Variants in METTL24 observed in about 807,000 individuals in gnomAD.
The protein encoded by METTL24 is probable methyltransferase-like protein 24.
A neutral mutation model predicts 32.7 loss-of-function variants in METTL24; 29 were observed. That is an observed-to-expected ratio of 0.89 (90% confidence interval 0.66 to 1.21). The LOEUF is 1.21. Ranked by LOEUF, METTL24 falls within the 50% of genes most tolerant of loss-of-function variation. The pLI is 0.00. For missense variants in METTL24, 439 were observed against 468.1 expected (o/e 0.94, Z 0.57); for synonymous variants, 163 against 179.5 (o/e 0.91, Z 0.73).
chr6:110,299,037 C>T lies in METTL24; in HGVS notation c.671G>A (p.Trp224Ter), dbSNP rs1156229696. 4 of 1,614,010 alleles carry T rather than the reference C, an allele frequency of 2.5e-6. No individual in the cohort carries two copies. Among genetic ancestry groups the T allele is most frequent in the Non-Finnish European group, 3.4e-6 (4 of 1,180,028 alleles). ...SAHILESQHL[W>*]YHRLSIDWRD... ...CCAGTCAATGGACAAGCGGTGATAC[C>T]AAAGGTGCTGACTCTCCAGAATGTG... Residue 224 changes from tryptophan to a stop codon, truncating the protein, a stop_gained, in exon 4 of 5, where the codon TGG (tryptophan) becomes TAG (stop). Coordinates refer to ENST00000338882, the MANE Select transcript of METTL24 (RefSeq NM_001123364.3). LOFTEE classifies it high-confidence loss of function.
At chr6:110,277,177 T>C (rs1446996614) in intron 4 of METTL24, among the ~76,000 whole-genome samples, 1 of 152,124 alleles carries the variant, frequency 6.6e-6, no homozygotes, top group Non-Finnish European at 1.5e-5. Flanking sequence ...GCCTGACAAA[T>C]GGCTGCAAAT....
chr6:110,296,898 A>G (rs924821833), intron 4 of METTL24, among the ~76,000 whole-genome samples: 2 of 152,184 alleles, frequency 1.3e-5, no homozygotes, highest in African/African-American at 2.4e-5. Flanking sequence ...ACACGACACA[A>G]ACAAGGTTTC....
At chr6:110,277,657 T>C (rs1231821639) in intron 4 of METTL24, among the ~76,000 whole-genome samples, 1 of 152,172 alleles carries the variant, frequency 6.6e-6, no homozygotes, top group Non-Finnish European at 1.5e-5. Context: ...AAATCTAAAG[T>C]TCCTTTAATA....
intron 1 of METTL24, among the ~76,000 whole-genome samples, chr6:110,341,233 A>C (rs1005175820): frequency 1.3e-5 from 2 of 152,214 alleles, no homozygotes; most frequent in Non-Finnish European, 2.9e-5. Flanking sequence ...TATGTGTTAA[A>C]CAGGCTCCAA....
chr6:110,338,604 G>A (rs911822411), intron 1 of METTL24, among the ~76,000 whole-genome samples: 3 of 152,170 alleles, frequency 2.0e-5, no homozygotes, highest in African/African-American at 7.2e-5. Context: ...TAGTTTAGCA[G>A]GAACCCTGAG....
chr6:110,282,001 C>T (rs1771144883), intron 4 of METTL24, among the ~76,000 whole-genome samples: 1 of 152,014 alleles, frequency 6.6e-6, no homozygotes, highest in Non-Finnish European at 1.5e-5. Flanking sequence ...ATACTTACAC[C>T]CAGGAGATGC....
chr6:110,264,131 T>C (rs1412391132), intron 4 of METTL24, among the ~76,000 whole-genome samples: 1 of 151,232 alleles, frequency 6.6e-6, no homozygotes, highest in African/African-American at 2.4e-5. Flanking sequence ...GGGATCTAAT[T>C]AAACTAAAGA....
At chr6:110,285,774 A>G (rs573826417) in intron 4 of METTL24, among the ~76,000 whole-genome samples, 172 of 152,346 alleles carry the variant, frequency 1.1e-3, no homozygotes, top group African/African-American at 4.0e-3. Context: ...AGGTAACTAC[A>G]TGGGCTTACA....
At chr6:110,262,512 G>A (rs533487714) in intron 4 of METTL24, among the ~76,000 whole-genome samples, 1 of 152,164 alleles carries the variant, frequency 6.6e-6, no homozygotes, top group African/African-American at 2.4e-5. Flanking sequence ...GGACCAGATG[G>A]ATTCACAGCT....
chr6:110,323,584 G>A (rs964454242), intron 1 of METTL24, among the ~76,000 whole-genome samples: 4 of 152,144 alleles, frequency 2.6e-5, no homozygotes, highest in African/African-American at 9.7e-5. Context: ...GGAATGCAAT[G>A]GTCTGGAGGA....
At chr6:110,250,949 G>T (rs1778266355) in intron 4 of METTL24, among the ~76,000 whole-genome samples, 1 of 152,198 alleles carries the variant, frequency 6.6e-6, no homozygotes, top group Non-Finnish European at 1.5e-5. Context: ...TTTCTAATCT[G>T]AGCCTTTTCC....
intron 4 of METTL24, among the ~76,000 whole-genome samples, chr6:110,258,926 TAA>T (rs1778436815): frequency 6.6e-6 from 1 of 152,118 alleles, no homozygotes; most frequent in African/African-American, 2.4e-5. Context: ...TAGGTAAACT[TAA>T]AGACAGCCAC....
chr6:110,301,131 C>G (rs1185382733), intron 3 of METTL24, among the ~76,000 whole-genome samples: 1 of 152,176 alleles, frequency 6.6e-6, no homozygotes, highest in Non-Finnish European at 1.5e-5. Flanking sequence ...CATGGTAAGT[C>G]AGCCCTCTGA....
rs1277278712 is a variant in METTL24 at position 110,353,568 on chromosome 6, T to TC, written c.318+4386dup. Among the ~76,000 whole-genome samples, 21 of 150,550 alleles carry TC rather than the reference T, an allele frequency of 1.4e-4. 1 individual carries two copies. The South Asian group carries it at 4.0e-3, about 29-fold the overall frequency. Reference sequence around the variant, plus strand: ...AGTTCTTTTTTTTTTTTTTTTTTTTTCCGCCTGACACATGGTTCCAAAAGA... The same window carrying TC: ...AGTTCTTTTTTTTTTTTTTTTTTTTTCCCGCCTGACACATGGTTCCAAAAGA... On this transcript the variant is annotated intron_variant, in intron 1 of 4. Transcript: ENST00000338882.
At chr6:110,276,808 T>C (rs1442351068) in intron 4 of METTL24, among the ~76,000 whole-genome samples, 2 of 151,908 alleles carry the variant, frequency 1.3e-5, no homozygotes, top group Non-Finnish European at 1.5e-5. Context: ...GCCAGCCTAG[T>C]GGGGGAAAAA....
chr6:110,293,452 ATT>A (rs1390158371), intron 4 of METTL24, among the ~76,000 whole-genome samples: 2 of 152,018 alleles, frequency 1.3e-5, no homozygotes, highest in African/African-American at 4.8e-5. Context: ...AAATTTACTT[ATT>A]GTTTGATAGT....
Position 110,316,430 on chromosome 6 carries a change from G to A in METTL24, c.418-949C>T, listed in dbSNP as rs534306663. ...AAGATATTTACCTTACTGAGCAACA[G>A]TATTTTCCCCCAATCCCTTAGAACT... is the stretch of plus-strand genomic sequence containing the variant. On this transcript the variant is annotated intron_variant, in intron 2 of 4. Transcript: ENST00000338882. Among the ~76,000 whole-genome samples the A allele has an allele frequency of 2.6e-5, 4 of 152,334 alleles. No individual in the cohort carries two copies. The East Asian group carries it at 7.7e-4, about 29-fold the overall frequency.
intron 4 of METTL24, among the ~76,000 whole-genome samples, chr6:110,293,777 G>C (rs1043937164): frequency 4.0e-5 from 6 of 151,842 alleles, no homozygotes; most frequent in African/African-American, 1.4e-4. Flanking sequence ...TTTTATAAAA[G>C]GGAAACATGA....
At chr6:110,297,286 C>G (rs1041670986) in intron 4 of METTL24, among the ~76,000 whole-genome samples, 1 of 152,174 alleles carries the variant, frequency 6.6e-6, no homozygotes, top group Non-Finnish European at 1.5e-5. Context: ...TGGAGCTAAA[C>G]AAACACAATT....
Sources: allele counts gnomAD v4.1 joint callset (sites outside exome capture counted in the v4.1 genomes callset), GRCh38; gene constraint gnomAD v4.1.1; transcripts MANE v1.5; gene names NCBI Gene and HGNC (gene_info 2026-07-23, HGNC 2026-07-21).